The following C6orf52 variants were observed in gnomAD, a reference collection of about 807,000 sequenced individuals.
C6orf52 encodes putative uncharacterized protein C6orf52.
C6orf52 carries 16 observed loss-of-function variants against 16.6 expected under a neutral mutation model. The ratio of observed to expected loss-of-function variants is 0.96; its 90% CI spans 0.65 to 1.46. C6orf52 has a LOEUF of 1.46. Ranked by LOEUF, C6orf52 falls within the 40% of genes most tolerant of loss-of-function variation. C6orf52 has a pLI of 0.00. For missense variants in C6orf52, 166 were observed against 182.3 expected, an observed-to-expected ratio of 0.91 and a Z score of 0.52; for synonymous variants, 53 against 61.4, an observed-to-expected ratio of 0.86 and a Z score of 0.64.
intron 3 of C6orf52, among the ~76,000 whole-genome samples, chr6:10,683,795 G>A (rs1768614712): frequency 6.6e-6 from 1 of 152,196 alleles, no homozygotes; most frequent in South Asian, 2.1e-4. Flanking sequence ...AACTGCAGAG[G>A]TACTCCCAAA....
chr6:10,680,471 G>T (rs189064508), intron 4 of C6orf52, among the ~76,000 whole-genome samples: 3 of 152,182 alleles, frequency 2.0e-5, no homozygotes, highest in African/African-American at 4.8e-5. Context: ...AATATTGGTT[G>T]TAGTTTTTTC....
At chr6:10,678,931 A>G (rs899949669) in intron 4 of C6orf52, among the ~76,000 whole-genome samples, 40 of 151,962 alleles carry the variant, frequency 2.6e-4, no homozygotes, top group African/African-American at 9.4e-4. Context: ...CACCTCTACT[A>G]AAATACAAAA....
At chr6:10,674,164 C>T (rs1767666750) in intron 4 of C6orf52, among the ~76,000 whole-genome samples, 2 of 152,100 alleles carry the variant, frequency 1.3e-5, no homozygotes, top group African/African-American at 4.8e-5. Context: ...ATCAAATTCC[C>T]TCGTGACTTT....
intron 4 of C6orf52, among the ~76,000 whole-genome samples, chr6:10,675,427 C>T (rs888157166): frequency 6.6e-6 from 1 of 152,136 alleles, no homozygotes; most frequent in South Asian, 2.1e-4. Context: ...TCCATTCATC[C>T]ACTTATGGGC....
chr6:10,693,525 A>T (rs1237529745), intron 1 of C6orf52, among the ~76,000 whole-genome samples: 2 of 152,242 alleles, frequency 1.3e-5, no homozygotes, highest in Non-Finnish European at 2.9e-5. Flanking sequence ...AAGTTATTGG[A>T]AACAAAAGGG....
chr6:10,690,750 T>G (rs1051823432), intron 1 of C6orf52, among the ~76,000 whole-genome samples: 3 of 152,192 alleles, frequency 2.0e-5, no homozygotes, highest in Non-Finnish European at 1.5e-5. Flanking sequence ...CAATATCCTC[T>G]CGTGCTTTAG....
intron 4 of C6orf52, among the ~76,000 whole-genome samples, chr6:10,682,411 T>C (rs114013726): frequency 1.9e-4 from 29 of 152,236 alleles, no homozygotes; most frequent in Middle Eastern, 3.4e-3. Context: ...CAACACCAAT[T>C]TGATTTAATT....
At position 10,671,608 on chromosome 6, in the gene C6orf52, C is replaced by T. The variant is rs1425431000; in HGVS notation, c.317-10G>A. 8 of 1,511,940 alleles carry T rather than the reference C, an allele frequency of 5.3e-6. No individual in the cohort carries two copies. In the Middle Eastern group the frequency reaches 1.0e-3, roughly 196 times the overall value. 93.7% of individuals were successfully genotyped at this position (1,511,940 alleles called of 1,614,324 possible). A position where few individuals can be genotyped will look rare whatever the true frequency, so the allele number is the denominator to read the frequency against. ...AAATGAAGATGTGGATCTGCAGAAG[C>T]CAATAATGGATATGAAAAAAATAGA... On this transcript the variant is annotated splice_polypyrimidine_tract_variant and intron_variant, in intron 4 of 4. Coordinates refer to ENST00000259983, the MANE Select transcript of C6orf52 (RefSeq NM_001145020.3).
chr6:10,687,573 G>A lies in C6orf52; in HGVS notation c.-11-12C>T. ...CATTTACCCAGAAACTTTACAAAAA[G>A]AGAGCAGAATCCAGTTTTTATTCCT... On this transcript the variant is annotated splice_polypyrimidine_tract_variant and intron_variant, in intron 1 of 4. Coordinates refer to ENST00000259983, the MANE Select transcript of C6orf52 (RefSeq NM_001145020.3). 2 of 1,517,526 alleles carry A rather than the reference G, an allele frequency of 1.3e-6. No individual in the cohort carries two copies. Among genetic ancestry groups the A allele is most frequent in the Non-Finnish European group, 1.8e-6 (2 of 1,117,668 alleles). The allele number at this position is 1,517,526 out of a possible 1,614,324, so 94.0% of individuals were successfully genotyped here.
Position 10,687,128 on chromosome 6 carries a change from C to A in C6orf52, c.108G>T (p.Gln36His). The change falls in exon 3 of 5, where the codon CAG becomes CAT. Residue 36 changes from glutamine to histidine, a missense_variant. Physicochemically the swap from Gln to His is conservative, Grantham distance 24. Transcript: ENST00000259983. ...PSAIRVKQEF[Q>H]PSQSYRYGNW... ...TGCCATAGCGGTAACTCTGGCTGGGCTGGAACTCCTGCTTCACTCTAATAG... is the reference window on the plus strand; with the variant it reads ...TGCCATAGCGGTAACTCTGGCTGGGATGGAACTCCTGCTTCACTCTAATAG... The A allele has an allele frequency of 3.2e-6, 5 of 1,551,582 alleles. No individual in the cohort carries two copies. Among genetic ancestry groups the A allele is most frequent in the Non-Finnish European group, 4.4e-6 (5 of 1,146,826 alleles).
intron 3 of C6orf52, 22 bp from the exon 4 acceptor site, chr6:10,683,254 T>A (rs1312021503): frequency 6.7e-7 from 1 of 1,503,592 alleles, no homozygotes; most frequent in African/African-American, 1.4e-5. Flanking sequence ...TATTATCTCA[T>A]GAGAAAATAA....
chr6:10,675,095 C>T (rs1767766328), intron 4 of C6orf52, among the ~76,000 whole-genome samples: 1 of 152,168 alleles, frequency 6.6e-6, no homozygotes, highest in South Asian at 2.1e-4. Context: ...AGGTGTAAGC[C>T]ACCGTGCCCA....
rs1347411314 is a variant in C6orf52 at position 10,687,559 on chromosome 6, A to G, written c.-9T>C. ...CTCTCTGGTTGGGCCATTTACCCAG[A>G]AACTTTACAAAAAGAGAGCAGAATC... On this transcript the variant is annotated splice_region_variant and 5_prime_UTR_variant, in exon 2 of 5. Coordinates refer to ENST00000259983, the MANE Select transcript of C6orf52 (RefSeq NM_001145020.3). The G allele has an allele frequency of 5.2e-6, 8 of 1,544,870 alleles. No individual in the cohort carries two copies. Among genetic ancestry groups the G allele is most frequent in the Non-Finnish European group, 6.1e-6 (7 of 1,141,858 alleles).
chr6:10,681,061 C>T (rs1439787950), intron 4 of C6orf52, among the ~76,000 whole-genome samples: 3 of 152,288 alleles, frequency 2.0e-5, no homozygotes, highest in South Asian at 2.1e-4. Flanking sequence ...ATTAGCCTCC[C>T]GAAGTGCTTG....
chr6:10,687,399 A>T, intron 2 of C6orf52, 81 bp downstream of exon 2: 8 of 1,115,132 alleles, frequency 7.2e-6, no homozygotes, highest in Non-Finnish European at 1.0e-5. Context: ...AAAAAAAGCC[A>T]TAGTTTGTAA....
Position 10,686,223 on chromosome 6 carries a change from G to C in C6orf52, c.270+743C>G, listed in dbSNP as rs560777335. Among the ~76,000 whole-genome samples the C allele has an allele frequency of 5.9e-5, 9 of 152,276 alleles. No individual in the cohort carries two copies. In the South Asian group the frequency reaches 1.9e-3, roughly 32 times the overall value. On this transcript the variant is annotated intron_variant, in intron 3 of 4. Transcript: ENST00000259983. ...TAAGTGGACGATTTTTTAAAGAAAGGTCTCCTTATGCAGAAGCAAGCAAAC... is the reference window on the plus strand; with the variant it reads ...TAAGTGGACGATTTTTTAAAGAAAGCTCTCCTTATGCAGAAGCAAGCAAAC...
At chr6:10,680,700 T>C (rs1293430470) in intron 4 of C6orf52, among the ~76,000 whole-genome samples, 1 of 152,066 alleles carries the variant, frequency 6.6e-6, no homozygotes, top group Non-Finnish European at 1.5e-5. Flanking sequence ...GAGACCAACC[T>C]GAGCAACAAA....
rs1768956396 is a variant in C6orf52, at chr6:10,687,518, G to A, written c.33C>T (p.Gly11=). ...AGTAATAGTTATTTTGTTGAGCTATGCCAAAATCTGCAGAACTCTCTGGTT... is the reference window on the plus strand; with the variant it reads ...AGTAATAGTTATTTTGTTGAGCTATACCAAAATCTGCAGAACTCTCTGGTT... MAQPESSADF[G]IAQQNNYYCY... The change falls in exon 2 of 5, where the codon GGC becomes GGT. Residue 11 remains glycine (G), a synonymous_variant. Coordinates refer to ENST00000259983, the MANE Select transcript of C6orf52 (RefSeq NM_001145020.3). 3.2e-6 allele frequency: 5 copies of A among 1,550,876 alleles called. No individual in the cohort carries two copies. The highest frequency in any genetic ancestry group is 1.4e-5 in the African/African-American group (1 of 72,998).
At chr6:10,685,527 T>G (rs1029186398) in intron 3 of C6orf52, among the ~76,000 whole-genome samples, 6 of 152,326 alleles carry the variant, frequency 3.9e-5, no homozygotes, top group African/African-American at 1.4e-4. Context: ...TCAATTTTCA[T>G]TTTAAGGTAA....
Sources: gnomAD v4.1 joint callset for allele counts (sites outside exome capture counted in the v4.1 genomes callset) on GRCh38, gnomAD v4.1.1 for gene constraint, MANE v1.5 for transcripts, NCBI Gene and HGNC (gene_info 2026-07-23, HGNC 2026-07-21) for gene names.